CD82: variants seen among roughly 807,000 people sequenced by gnomAD.
CD82 encodes CD82 antigen.
A neutral mutation model predicts 37.4 loss-of-function variants in CD82; 36 were observed. The ratio of observed to expected loss-of-function variants is 0.96; its 90% CI spans 0.74 to 1.27. The LOEUF is 1.27. CD82 is among the 50% of genes most tolerant of loss of function. CD82 has a pLI of 0.00. For synonymous variants in CD82, 158 were observed against 137.4 expected (o/e 1.15, Z -1.05); for missense variants, 340 against 347.0 (o/e 0.98, Z 0.16).
chr11:44,618,826 C>T (rs1188438293), intron 9 of CD82, 103 bp downstream of exon 9: 5 of 1,005,282 alleles, frequency 5.0e-6, no homozygotes, highest in Non-Finnish European at 7.5e-6. Context: ...GGCCAGCACC[C>T]CATCAGCTTC....
At chr11:44,615,535 C>A (rs1271541947) in intron 7 of CD82, among the ~76,000 whole-genome samples, 162 bp downstream of exon 7, 1 of 152,180 alleles carries the variant, frequency 6.6e-6, no homozygotes, top group Non-Finnish European at 1.5e-5. Context: ...CCAGTTAGCA[C>A]CACAACTCCC....
At chr11:44,605,773 C>T (rs1374032194) in intron 6 of CD82, among the ~76,000 whole-genome samples, 4 of 152,142 alleles carry the variant, frequency 2.6e-5, no homozygotes, top group Admixed American at 2.6e-4. Context: ...AAAGATTATT[C>T]GAGATTATCT....
intron 3 of CD82, chr11:44,596,913 AC>A (rs776175165): frequency 4.3e-4 from 196 of 456,248 alleles, no homozygotes; most frequent in Non-Finnish European, 6.9e-4. Flanking sequence ...TGTTGGGGGT[AC>A]TAGGAACAGA....
chr11:44,582,405 A>G lies in CD82; in HGVS notation c.-102-5070A>G, dbSNP rs75665147. ...CAACTTCCTTGCTCTGGGACCTAAC[A>G]GGACCTATTCCCAGAATCCTCTGCC... On this transcript the variant is annotated intron_variant, in intron 1 of 9. Transcript: ENST00000227155. 5.5e-3 allele frequency among the ~76,000 whole-genome samples: 842 copies of G among 152,340 alleles called. 4 individuals are homozygous for G. Among genetic ancestry groups the G allele is most frequent in the Non-Finnish European group, 8.5e-3 (575 of 68,032 alleles).
In CD82 at chr11:44,605,483, TTGAC is replaced by T. The variant is rs545841531; in HGVS notation, c.336+58_336+61del. On this transcript the variant is annotated intron_variant, in intron 6 of 9. Coordinates refer to ENST00000227155, the MANE Select transcript of CD82 (RefSeq NM_002231.4). ...TGGGCTGGACCAACCATGGGGGTGA[TTGAC>T]TGAGTGTGGGGGATGGACAAGGAAC... is the stretch of plus-strand genomic sequence containing the variant. The T allele has an allele frequency of 7.5e-4, 1,150 of 1,533,986 alleles. 21 individuals carry two copies. In the South Asian group the frequency reaches 0.011, roughly 15 times the overall value.
At chr11:44,578,960 G>C (rs1468420400) in intron 1 of CD82, among the ~76,000 whole-genome samples, 1 of 152,158 alleles carries the variant, frequency 6.6e-6, no homozygotes, top group African/African-American at 2.4e-5. Flanking sequence ...ATTGGATGGG[G>C]CTGTTTGGGA....
chr11:44,575,750 A>G (rs983848139), intron 1 of CD82, among the ~76,000 whole-genome samples: 9 of 151,752 alleles, frequency 5.9e-5, no homozygotes, highest in Admixed American at 5.2e-4. Context: ...TTCCCCTCCT[A>G]CCCCCACCTC....
intron 1 of CD82, among the ~76,000 whole-genome samples, chr11:44,577,714 A>G (rs897906056): frequency 2.0e-5 from 3 of 151,946 alleles, no homozygotes; most frequent in Non-Finnish European, 4.4e-5. Flanking sequence ...TAGGAGATAA[A>G]GTGCAAAACA....
chr11:44,578,003 C>A (rs933072212), intron 1 of CD82, among the ~76,000 whole-genome samples: 1 of 152,152 alleles, frequency 6.6e-6, no homozygotes, highest in African/African-American at 2.4e-5. Context: ...CGTTACTAAC[C>A]CCCCTGAGCC....
At chr11:44,565,256 C>G (rs1852712023), upstream of CD82, among the ~76,000 whole-genome samples, 1 of 151,710 alleles carries the variant, frequency 6.6e-6, no homozygotes. Context: ...GGGGTGGGCT[C>G]GAAGGAGAAA....
intron 7 of CD82, among the ~76,000 whole-genome samples, chr11:44,616,021 C>T (rs73458599): frequency 0.026 from 4,018 of 152,250 alleles, 188 homozygotes; most frequent in African/African-American, 0.093. Flanking sequence ...ACCTGGCTCT[C>T]CTTTCTTGTG....
At chr11:44,574,182 T>G (rs1443885225) in intron 1 of CD82, among the ~76,000 whole-genome samples, 1 of 152,128 alleles carries the variant, frequency 6.6e-6, no homozygotes, top group African/African-American at 2.4e-5. Context: ...GGCATAGAGT[T>G]GAGGGCAAAG....
rs1281375175 is a variant in CD82 at position 44,620,135 on chromosome 11, G to A, written c.*1009G>A. 6.6e-6 allele frequency: 1 copy of A among 152,300 alleles called. No homozygotes were observed. The highest frequency in any genetic ancestry group is 2.4e-5 in the African/African-American group (1 of 41,394). 9.4% of individuals were successfully genotyped at this position (152,300 alleles called of 1,614,324 possible). A position where few individuals can be genotyped will look rare whatever the true frequency, so the allele number is the denominator to read the frequency against. On this transcript the variant is annotated 3_prime_UTR_variant, in exon 10 of 10. Coordinates refer to ENST00000227155, the MANE Select transcript of CD82 (RefSeq NM_002231.4). ...TCCTTGGGGGCATGGCACAGAGCTG[G>A]TCCTGTATTCTCCAGGGTCCGGAGC... is the stretch of plus-strand genomic sequence containing the variant.
At chr11:44,605,458 T>C (rs773268290) in intron 6 of CD82, 29 bp downstream of exon 6, 1 of 1,598,482 alleles carries the variant, frequency 6.3e-7, no homozygotes, top group Non-Finnish European at 8.6e-7. Flanking sequence ...CCCTCTTCAC[T>C]GGGCTGGACC....
chr11:44,604,959 C>T (rs1853366660), intron 4 of CD82, 99 bp from the exon 5 acceptor site: 8 of 1,563,476 alleles, frequency 5.1e-6, no homozygotes, highest in African/African-American at 1.4e-5. Flanking sequence ...ACCCCAACAC[C>T]CTGGCTCCAA....
chr11:44,585,025 C>A, intron 1 of CD82: 1 of 349,114 alleles, frequency 2.9e-6, no homozygotes, highest in South Asian at 2.2e-5. Context: ...GGATGCCCAA[C>A]TCACCAAACT....
At chr11:44,565,147 C>A (rs1367728408), upstream of CD82, among the ~76,000 whole-genome samples, 2 of 152,140 alleles carry the variant, frequency 1.3e-5, no homozygotes, top group East Asian at 1.9e-4. Flanking sequence ...GGGCTACCCG[C>A]CCGAGATGAG....
chr11:44,598,082 T>C (rs1853253882), intron 3 of CD82, among the ~76,000 whole-genome samples: 1 of 152,124 alleles, frequency 6.6e-6, no homozygotes, highest in African/African-American at 2.4e-5. Flanking sequence ...CAAGGCCTCA[T>C]ATAAAATTCC....
intron 1 of CD82, among the ~76,000 whole-genome samples, chr11:44,577,618 G>C (rs1263678950): frequency 6.6e-6 from 1 of 152,196 alleles, no homozygotes; most frequent in Non-Finnish European, 1.5e-5. Flanking sequence ...GTGACTTTCA[G>C]CAAGTCACTT....
Sources: gnomAD v4.1 joint callset for allele counts (sites outside exome capture counted in the v4.1 genomes callset) on GRCh38, gnomAD v4.1.1 for gene constraint, MANE v1.5 for transcripts, NCBI Gene and HGNC (gene_info 2026-07-23, HGNC 2026-07-21) for gene names.